Variants in KDM2A observed in about 807,000 individuals in gnomAD.
KDM2A encodes lysine demethylase 2A, also known as lysine-specific demethylase 2A.
KDM2A carries 3 observed loss-of-function variants against 137.3 expected under a neutral mutation model. The ratio of observed to expected loss-of-function variants is 0.02; its 90% CI spans 0.01 to 0.06. The LOEUF is 0.06. Ranked by LOEUF, KDM2A falls within the 10% of genes least tolerant of loss-of-function variation. The probability of loss-of-function intolerance (pLI) is 1.00; values close to 1 mark genes in which losing one functional copy is unlikely to be tolerated. For synonymous variants in KDM2A, 512 were observed against 541.5 expected (o/e 0.95, Z 0.76); for missense variants, 738 against 1,510.6 (o/e 0.49, Z 8.48).
chr11:67,139,331 G>A (rs1856042571), intron 2 of KDM2A, among the ~76,000 whole-genome samples: 1 of 151,164 alleles, frequency 6.6e-6, no homozygotes, highest in Non-Finnish European at 1.5e-5. Context: ...TGCAACCTCC[G>A]CCTCCCAGGT....
At chr11:67,164,156 CAT>C (rs1004915428) in intron 2 of KDM2A, among the ~76,000 whole-genome samples, 1 of 152,160 alleles carries the variant, frequency 6.6e-6, no homozygotes, top group African/African-American at 2.4e-5. Context: ...GACATTTTCA[CAT>C]GAGAAAATGG....
At chr11:67,195,294 A>G (rs1042933934) in intron 5 of KDM2A, among the ~76,000 whole-genome samples, 1 of 147,434 alleles carries the variant, frequency 6.8e-6, no homozygotes, top group African/African-American at 2.5e-5. Context: ...ACTTGAACCC[A>G]GAAGGCGAAG....
rs1229961784 is a variant in KDM2A, at chr11:67,215,804, A to C, written c.594-52A>C. On this transcript the variant is annotated intron_variant, in intron 7 of 20. Transcript: ENST00000529006. ...GGAGAGTATGGCATTTTGGTGGGGC[A>C]GATGTACTTTTTTCCATCAGTACAC... 10 of 1,331,542 alleles carry C rather than the reference A, an allele frequency of 7.5e-6. No homozygotes were observed. In the East Asian group the frequency reaches 1.8e-4, roughly 24 times the overall value. 82.5% of individuals were successfully genotyped at this position (1,331,542 alleles called of 1,614,324 possible). A position where few individuals can be genotyped will look rare whatever the true frequency, so the allele number is the denominator to read the frequency against.
chr11:67,186,561 T>G (rs1857211752), intron 5 of KDM2A, among the ~76,000 whole-genome samples: 1 of 152,246 alleles, frequency 6.6e-6, no homozygotes, highest in Non-Finnish European at 1.5e-5. Context: ...TGAAGCCATA[T>G]GAAGAAATAT....
intron 2 of KDM2A, among the ~76,000 whole-genome samples, chr11:67,145,646 ATTC>A (rs903129045): frequency 2.6e-5 from 4 of 152,068 alleles, no homozygotes; most frequent in African/African-American, 7.2e-5. Flanking sequence ...GACACCTGGT[ATTC>A]TTTGTTCAGG....
chr11:67,229,210 A>G (rs1858637503), intron 11 of KDM2A, among the ~76,000 whole-genome samples: 1 of 152,204 alleles, frequency 6.6e-6, no homozygotes, highest in South Asian at 2.1e-4. Context: ...TTAAGGTTCA[A>G]GGATATTTAA....
At chr11:67,146,222 T>A (rs1032309826) in intron 2 of KDM2A, among the ~76,000 whole-genome samples, 1 of 152,024 alleles carries the variant, frequency 6.6e-6, no homozygotes. Flanking sequence ...CTCAATCTCC[T>A]GACCTCCTGA....
At chr11:67,203,463 A>T (rs201100651) in intron 5 of KDM2A, among the ~76,000 whole-genome samples, 50 of 4,436 alleles carry the variant, frequency 0.011, no homozygotes, top group East Asian at 0.042. Flanking sequence ...ATATTTATTA[A>T]TTATTAATAA....
chr11:67,245,724 C>G lies in KDM2A; in HGVS notation c.1834-261C>G. On this transcript the variant is annotated intron_variant, in intron 14 of 20. Coordinates refer to ENST00000529006, the MANE Select transcript of KDM2A (RefSeq NM_012308.3). This position sits in a 1 kb window ranked among gnomAD's most constrained non-coding sequence, Gnocchi z 4.1. ...AAATCATTGCTTTCTTTCCCCTCTTCAGGTAGATTAGAAAGGACCGGGGAG... is the reference window on the plus strand; with the variant it reads ...AAATCATTGCTTTCTTTCCCCTCTTGAGGTAGATTAGAAAGGACCGGGGAG... 1.7e-6 allele frequency: 1 copy of G among 603,568 alleles called. No individual in the cohort carries two copies. Among genetic ancestry groups the G allele is most frequent in the Non-Finnish European group, 2.9e-6 (1 of 348,612 alleles). The allele number at this position is 603,568 out of a possible 1,614,324, so 37.4% of individuals were successfully genotyped here.
chr11:67,189,137 T>C (rs1455321684), intron 5 of KDM2A, among the ~76,000 whole-genome samples: 1 of 152,172 alleles, frequency 6.6e-6, no homozygotes, highest in Non-Finnish European at 1.5e-5. Flanking sequence ...ATGTAGGACA[T>C]TTTCCAGGAT....
At chr11:67,185,168 TAAAAGG>T (rs752821172) in intron 5 of KDM2A, among the ~76,000 whole-genome samples, 13 of 152,002 alleles carry the variant, frequency 8.6e-5, no homozygotes, top group South Asian at 2.1e-4. Flanking sequence ...CAGAAAACCT[TAAAAGG>T]AAATTCTGGA....
At chr11:67,136,996 AACATTAGAG>A (rs1192800230) in intron 2 of KDM2A, among the ~76,000 whole-genome samples, 1 of 152,240 alleles carries the variant, frequency 6.6e-6, no homozygotes, top group Non-Finnish European at 1.5e-5. Context: ...AGTAGATAGA[AACATTAGAG>A]AACACTTTCC....
At chr11:67,123,258 T>A (rs1855640000) in intron 2 of KDM2A, among the ~76,000 whole-genome samples, 1 of 146,846 alleles carries the variant, frequency 6.8e-6, no homozygotes, top group African/African-American at 2.5e-5. Context: ...TTAACAAGCG[T>A]GAGCCACAGT....
intron 2 of KDM2A, among the ~76,000 whole-genome samples, chr11:67,159,359 GTCC>G (rs1180055570): frequency 6.6e-6 from 1 of 152,142 alleles, no homozygotes; most frequent in Non-Finnish European, 1.5e-5. Context: ...CTTTTAAAAT[GTCC>G]TCCTTTCTGG....
chr11:67,224,593 G>A (rs1362666493), intron 10 of KDM2A, among the ~76,000 whole-genome samples: 2 of 142,824 alleles, frequency 1.4e-5, no homozygotes, highest in Admixed American at 7.5e-5. Context: ...TCAGCCTCCC[G>A]AGTAGCTGGG....
intron 2 of KDM2A, among the ~76,000 whole-genome samples, chr11:67,157,364 T>C (rs1372333846): frequency 2.0e-5 from 3 of 149,564 alleles, no homozygotes; most frequent in Admixed American, 1.3e-4. Flanking sequence ...AAATTTTGAA[T>C]AGTCTTTCGT....
chr11:67,196,640 G>A (rs1565398944), intron 5 of KDM2A: 2 of 359,524 alleles, frequency 5.6e-6, no homozygotes, highest in South Asian at 4.2e-5. Flanking sequence ...TATAAATACT[G>A]TGTAATTCCA....
intron 5 of KDM2A, among the ~76,000 whole-genome samples, chr11:67,187,005 G>A (rs1028067210): frequency 6.6e-6 from 1 of 152,222 alleles, no homozygotes; most frequent in Non-Finnish European, 1.5e-5. Flanking sequence ...TGTGACATCA[G>A]TAACCAAAAG....
At chr11:67,186,415 T>G (rs1857209070) in intron 5 of KDM2A, among the ~76,000 whole-genome samples, 1 of 152,174 alleles carries the variant, frequency 6.6e-6, no homozygotes. Flanking sequence ...GGCAAAACTG[T>G]CCTTCAAAAG....
Sources: allele counts gnomAD v4.1 joint callset (sites outside exome capture counted in the v4.1 genomes callset), GRCh38; gene constraint gnomAD v4.1.1; non-coding constraint Gnocchi (gnomAD v3.1); transcripts MANE v1.5; gene names NCBI Gene and HGNC (gene_info 2026-07-23, HGNC 2026-07-21).